The following ZKSCAN1 variants were observed in gnomAD, a reference collection of about 807,000 sequenced individuals.
ZKSCAN1 encodes the protein zinc finger protein with KRAB and SCAN domains 1.
A neutral mutation model predicts 51.6 loss-of-function variants in ZKSCAN1; 14 were observed. The ratio of observed to expected loss-of-function variants is 0.27; its 90% CI spans 0.18 to 0.42. The LOEUF is 0.42. Among genes scored for constraint, ZKSCAN1 ranks in the 10% least tolerant of loss-of-function variants. The pLI is 1.00. For synonymous variants in ZKSCAN1, 263 were observed against 261.5 expected, an observed-to-expected ratio of 1.01 and a Z score of -0.06; for missense variants, 531 against 710.0, an observed-to-expected ratio of 0.75 and a Z score of 2.86.
In ZKSCAN1 at chr7:100,033,867, C is replaced by T; in HGVS notation, c.1362C>T (p.Ile454=). 6.2e-7 allele frequency: 1 copy of T among 1,614,164 alleles called. No individual in the cohort carries two copies. The highest frequency in any genetic ancestry group is 1.7e-5 in the Admixed American group (1 of 60,008). Residue 454 remains isoleucine, a synonymous_variant, in exon 6 of 6, where the codon ATC becomes ATT. Coordinates refer to ENST00000324306, the MANE Select transcript of ZKSCAN1 (RefSeq NM_003439.4). The surrounding 1 kb of genome is among the most constrained non-coding windows in gnomAD (Gnocchi z 4.1). ...HSSNLILHQR[I]HSGEKPYECN... is the part of the protein sequence containing the mutation. ...CCAATCTCATCCTCCATCAGCGCAT[C>T]CACTCTGGAGAGAAACCTTATGAAT...
At chr7:100,027,781 A>G (rs1268045521) in intron 3 of ZKSCAN1, among the ~76,000 whole-genome samples, 1 of 148,904 alleles carries the variant, frequency 6.7e-6, no homozygotes, top group African/African-American at 2.5e-5. Flanking sequence ...GTGCACCGTG[A>G]TGTTTAACTC....
intron 1 of ZKSCAN1, among the ~76,000 whole-genome samples, chr7:100,022,349 A>G (rs558871901): frequency 6.6e-6 from 1 of 152,240 alleles, no homozygotes; most frequent in Non-Finnish European, 1.5e-5. Flanking sequence ...CACTGCGCCC[A>G]GCCAAAGCTA....
At chr7:100,022,417 A>G (rs551047003) in intron 1 of ZKSCAN1, among the ~76,000 whole-genome samples, 10 of 152,376 alleles carry the variant, frequency 6.6e-5, no homozygotes, top group East Asian at 1.9e-4. Flanking sequence ...CTACATCACA[A>G]TGTCTAAAAT....
chr7:100,038,570 G>A lies in ZKSCAN1; in HGVS notation c.*4373G>A. On this transcript the variant is annotated 3_prime_UTR_variant, in exon 6 of 6. Transcript: ENST00000324306. ...GCAAAGGGGATGGATTCTCTTGTCA[G>A]TAGACGGTCTTCTCCATGAAGCGAG... 1.0e-6 allele frequency: 1 copy of A among 985,488 alleles called. No individual in the cohort carries two copies. Among genetic ancestry groups the A allele is most frequent in the Non-Finnish European group, 1.2e-6 (1 of 829,950 alleles). The allele number at this position is 985,488 out of a possible 1,614,324, so 61.0% of individuals were successfully genotyped here. A position where few individuals can be genotyped will look rare whatever the true frequency, so the allele number is the denominator to read the frequency against.
intron 3 of ZKSCAN1, among the ~76,000 whole-genome samples, chr7:100,026,463 T>G (rs1790841411): frequency 6.6e-6 from 1 of 152,010 alleles, no homozygotes; most frequent in Non-Finnish European, 1.5e-5. Flanking sequence ...GCATGGTGGC[T>G]CATGGCTTAA....
chr7:100,021,116 C>CTTTTTT (rs60632908), intron 1 of ZKSCAN1, among the ~76,000 whole-genome samples: 67 of 85,314 alleles, frequency 7.9e-4, no homozygotes, highest in African/African-American at 9.4e-4. Flanking sequence ...TTTTTTTTTC[C>CTTTTTT]TTTTTTTTTT....
rs1791323217 is a variant in ZKSCAN1 at position 100,035,544 on chromosome 7, T to C, written c.*1347T>C. The stretch of plus-strand genomic sequence containing the variant: ...CTTAGATACTGGAGTTCAGAAGATG[T>C]GATTTTTGTTGCTTTTCAGAAAAAG... On this transcript the variant is annotated 3_prime_UTR_variant, in exon 6 of 6. Coordinates refer to ENST00000324306, the MANE Select transcript of ZKSCAN1 (RefSeq NM_003439.4). 1 of 152,196 alleles carries C rather than the reference T, an allele frequency of 6.6e-6. No individual in the cohort carries two copies. Among genetic ancestry groups the C allele is most frequent in the African/African-American group, 2.4e-5 (1 of 41,438 alleles). The allele number at this position is 152,196 out of a possible 1,614,324, so 9.4% of individuals were successfully genotyped here.
chr7:100,024,451 A>C (rs1038464604), intron 3 of ZKSCAN1, 144 bp downstream of exon 3: 1 of 1,082,590 alleles, frequency 9.2e-7, no homozygotes, highest in Non-Finnish European at 1.3e-6. Context: ...AAAATTAGCC[A>C]GGTATAGTGG....
chr7:100,018,313 T>A (rs1454691128), intron 1 of ZKSCAN1, among the ~76,000 whole-genome samples: 1 of 152,148 alleles, frequency 6.6e-6, no homozygotes, highest in African/African-American at 2.4e-5. Context: ...GGAATCATGC[T>A]AAGTGGTCTA....
Position 100,039,981 on chromosome 7 carries a change from T to G in ZKSCAN1, c.*5784T>G, listed in dbSNP as rs988867676. 79 of 955,428 alleles carry G rather than the reference T, an allele frequency of 8.3e-5. 1 individual carries two copies. The highest frequency in any genetic ancestry group is 4.5e-5 in the Non-Finnish European group (36 of 802,810). The allele number at this position is 955,428 out of a possible 1,614,324, so 59.2% of individuals were successfully genotyped here. A position where few individuals can be genotyped will look rare whatever the true frequency, so the allele number is the denominator to read the frequency against. ...TTTGAAAAGTTTTTCTAACATAGATTTAGGGTTTTTTTTTTTAGAGTGGAC... is the reference window on the plus strand; with the variant it reads ...TTTGAAAAGTTTTTCTAACATAGATGTAGGGTTTTTTTTTTTAGAGTGGAC... On this transcript the variant is annotated 3_prime_UTR_variant, in exon 6 of 6. Transcript: ENST00000324306.
intron 1 of ZKSCAN1, among the ~76,000 whole-genome samples, chr7:100,017,142 T>C (rs1411602420): frequency 1.3e-5 from 2 of 152,136 alleles, no homozygotes; most frequent in African/African-American, 4.8e-5. Context: ...AGCTGTCTTT[T>C]AAGGTAGCTT....
At chr7:100,030,403 A>T (rs766851031) in intron 5 of ZKSCAN1, 28 bp downstream of exon 5, 1 of 1,603,394 alleles carries the variant, frequency 6.2e-7, no homozygotes, top group Non-Finnish European at 8.5e-7. Flanking sequence ...TTACTGTCTG[A>T]TAAGATGGTT....
chr7:100,042,301 A>AGAGT (rs1791618996), downstream of ZKSCAN1, among the ~76,000 whole-genome samples: 1 of 147,554 alleles, frequency 6.8e-6, no homozygotes, highest in South Asian at 2.2e-4. Flanking sequence ...CTTGGGCAAC[A>AGAGT]GAGTGAGACT....
chr7:100,039,506 G>C lies in ZKSCAN1; in HGVS notation c.*5309G>C. The C allele has an allele frequency of 1.0e-6, 1 of 985,278 alleles. No homozygotes were observed. The highest frequency in any genetic ancestry group is 1.7e-5 in the African/African-American group (1 of 57,284). The allele number at this position is 985,278 out of a possible 1,614,324, so 61.0% of individuals were successfully genotyped here. A position where few individuals can be genotyped will look rare whatever the true frequency, so the allele number is the denominator to read the frequency against. On this transcript the variant is annotated 3_prime_UTR_variant, in exon 6 of 6. Transcript: ENST00000324306. ...TCCCTGCTCCCACTTTTCTTCCCCT[G>C]GTTTGTGATTATTAGGAGAGAGGTT...
chr7:100,020,666 T>C (rs1209166328), intron 1 of ZKSCAN1, among the ~76,000 whole-genome samples: 1 of 152,170 alleles, frequency 6.6e-6, no homozygotes, highest in Non-Finnish European at 1.5e-5. Context: ...AATATATATG[T>C]ATATATAATT....
At chr7:100,030,038 G>A in intron 4 of ZKSCAN1, 86 bp downstream of exon 4, 1 of 1,495,966 alleles carries the variant, frequency 6.7e-7, no homozygotes, top group Non-Finnish European at 9.2e-7. Context: ...AGGCCACTCT[G>A]GATGCCCCTG....
chr7:100,044,961 G>C, downstream of ZKSCAN1: 2 of 985,336 alleles, frequency 2.0e-6, no homozygotes, highest in Non-Finnish European at 2.4e-6. Flanking sequence ...TGATGAGAAC[G>C]AGCGAGGAAG....
chr7:100,039,658 C>T lies in ZKSCAN1; in HGVS notation c.*5461C>T, dbSNP rs1791512326. ...AGCTAACCAGGTTCATCCTACCATCCTCATGGAAGACTGTGTGTATGAATT... is the reference window on the plus strand; with the variant it reads ...AGCTAACCAGGTTCATCCTACCATCTTCATGGAAGACTGTGTGTATGAATT... On this transcript the variant is annotated 3_prime_UTR_variant, in exon 6 of 6. Transcript: ENST00000324306. 2 of 985,392 alleles carry T rather than the reference C, an allele frequency of 2.0e-6. No individual in the cohort carries two copies. Among genetic ancestry groups the T allele is most frequent in the Admixed American group, 6.1e-5 (1 of 16,278 alleles). The allele number at this position is 985,392 out of a possible 1,614,324, so 61.0% of individuals were successfully genotyped here.
chr7:100,044,977 G>A (rs944271975), downstream of ZKSCAN1: 160 of 985,272 alleles, frequency 1.6e-4, no homozygotes, highest in Non-Finnish European at 1.8e-4. Flanking sequence ...GGAAGATCCA[G>A]AAATGCACCT....
Sources: allele counts gnomAD v4.1 joint callset (sites outside exome capture counted in the v4.1 genomes callset), GRCh38; gene constraint gnomAD v4.1.1; non-coding constraint Gnocchi (gnomAD v3.1); transcripts MANE v1.5; gene names NCBI Gene and HGNC (gene_info 2026-07-23, HGNC 2026-07-21).